The following APC variants were observed in gnomAD, a reference collection of about 807,000 sequenced individuals.
APC encodes adenomatous polyposis coli protein.
Under a neutral mutation model 247.0 loss-of-function variants are expected in APC, and 72 were observed. The ratio of observed to expected loss-of-function variants is 0.29; its 90% CI spans 0.24 to 0.35. APC has a LOEUF of 0.35. APC is among the 10% of genes least tolerant of loss of function. The pLI is 1.00. For missense variants in APC, 3,400 were observed against 3,360.7 expected, an observed-to-expected ratio of 1.01 and a Z score of -0.29; for synonymous variants, 1,254 against 1,162.5, an observed-to-expected ratio of 1.08 and a Z score of -1.60.
In APC at chr5:112,843,063, A is replaced by G. The variant is rs771003881; in HGVS notation, c.7469A>G (p.Asp2490Gly). Residue 2490 changes from aspartate to glycine, a missense_variant, in exon 16 of 16, where the codon GAT becomes GGT. Asp to Gly is a moderately conservative substitution (Grantham distance 94). Transcript: ENST00000257430. The surrounding 1 kb of genome is among the most constrained non-coding windows in gnomAD (Gnocchi z 4.8). ...CCAGTTTTAAGTCCTTCCCTTCCTG[A>G]TATGTCTCTATCCACACATTCGTCT... is the stretch of plus-strand genomic sequence containing the variant. ...QTPVLSPSLP[D>G]MSLSTHSSVQ... The G allele has an allele frequency of 6.2e-7, 1 of 1,613,938 alleles. No individual in the cohort carries two copies. Among genetic ancestry groups the G allele is most frequent in the Non-Finnish European group, 8.5e-7 (1 of 1,179,858 alleles).
chr5:112,775,578 G>T (rs1757533759), intron 4 of APC, 51 bp from the exon 5 acceptor site: 1 of 1,121,948 alleles, frequency 8.9e-7, no homozygotes, highest in Non-Finnish European at 1.3e-6. Context: ...CTCTTCTGCA[G>T]TCTTTATTAG....
At chr5:112,827,050 G>A (rs1763736004) in intron 11 of APC, 58 bp from the exon 12 acceptor site, 2 of 1,570,554 alleles carry the variant, frequency 1.3e-6, no homozygotes, top group South Asian at 1.1e-5. Flanking sequence ...TACCAACTTG[G>A]TACCAGTTTG....
Position 112,754,867 on chromosome 5 carries a change from T to C in APC, c.-18-6T>C. On this transcript the variant is annotated splice_region_variant and splice_polypyrimidine_tract_variant and intron_variant, in intron 1 of 15. Transcript: ENST00000257430. ...GTGAATTTCAAAATCCTTTTTAACCTTATAGGTCCAAGGGTAGCCAAGGAT... is the reference window on the plus strand; with the variant it reads ...GTGAATTTCAAAATCCTTTTTAACCCTATAGGTCCAAGGGTAGCCAAGGAT... The C allele has an allele frequency of 6.2e-7, 1 of 1,613,196 alleles. No homozygotes were observed. The highest frequency in any genetic ancestry group is 8.5e-7 in the Non-Finnish European group (1 of 1,179,398).
chr5:112,814,431 C>G (rs899020659), intron 8 of APC, among the ~76,000 whole-genome samples: 1 of 152,162 alleles, frequency 6.6e-6, no homozygotes, highest in Non-Finnish European at 1.5e-5. Flanking sequence ...ATTACTTACC[C>G]ATTTATCCAA....
rs1449924219 is a variant in APC at position 112,841,524 on chromosome 5, A to G, written c.5930A>G (p.Gln1977Arg). The G allele has an allele frequency of 6.2e-7, 1 of 1,613,986 alleles. No homozygotes were observed. Among genetic ancestry groups the G allele is most frequent in the South Asian group, 1.1e-5 (1 of 91,076 alleles). The change falls in exon 16 of 16, where the codon CAA (glutamine) becomes CGA (arginine). Residue 1977 changes from glutamine to arginine, a missense_variant. Physicochemically the swap from Gln to Arg is conservative, Grantham distance 43 (BLOSUM62 1). Transcript: ENST00000257430. This position sits in a 1 kb window ranked among gnomAD's most constrained non-coding sequence, Gnocchi z 4.6. Reference protein sequence around the residue: ...SSLSSLSDIDQENNNKENEPI... With the variant: ...SSLSSLSDIDRENNNKENEPI... The stretch of plus-strand genomic sequence containing the variant: ...CTGAGTTCTCTCAGTGACATTGACC[A>G]AGAAAACAACAATAAAGAAAATGAA...
At chr5:112,828,804 G>A (rs1763998406) in intron 13 of APC, 52 bp from the exon 14 acceptor site, 7 of 1,325,314 alleles carry the variant, frequency 5.3e-6, no homozygotes, top group Non-Finnish European at 7.6e-6. Context: ...AAACAAAAAA[G>A]CAACTAGTAT....
At position 112,788,684 on chromosome 5, in the gene APC, T is replaced by C. The variant is rs79433398; in HGVS notation, c.646-3762T>C. Among the ~76,000 whole-genome samples the C allele has an allele frequency of 6.6e-6, 1 of 152,222 alleles. No homozygotes were observed. The highest frequency in any genetic ancestry group is 2.4e-5 in the African/African-American group (1 of 41,462). On this transcript the variant is annotated intron_variant, in intron 6 of 15. Coordinates refer to ENST00000257430, the MANE Select transcript of APC (RefSeq NM_000038.6). ...TTTGTCAAATTCTTCACAGGGGTCT[T>C]ACATATCATTTAAAAAAGTTATTCC... is the stretch of plus-strand genomic sequence containing the variant.
rs750259615 is a variant in APC at position 112,838,357 on chromosome 5, A to G, written c.2763A>G (p.Ala921=). Residue 921 remains alanine, a synonymous_variant, in exon 16 of 16, where the codon GCA becomes GCG. Transcript: ENST00000257430. Reference sequence around the variant, plus strand: ...ATTGTGTGACAGATGAGAGAAATGCACTTAGAAGAAGCTCTGCTGCCCATA... The same window carrying G: ...ATTGTGTGACAGATGAGAGAAATGCGCTTAGAAGAAGCTCTGCTGCCCATA... ...ELHCVTDERN[A]LRRSSAAHTH... is the part of the protein sequence containing the mutation. The G allele has an allele frequency of 5.6e-6, 9 of 1,614,192 alleles. No individual in the cohort carries two copies. The highest frequency in any genetic ancestry group is 4.5e-5 in the East Asian group (2 of 44,884).
At chr5:112,725,798 A>G (rs1751742206) in intron 1 of APC, among the ~76,000 whole-genome samples, 1 of 152,180 alleles carries the variant, frequency 6.6e-6, no homozygotes, top group Non-Finnish European at 1.5e-5. Flanking sequence ...AAATTCCTTT[A>G]CTATGGAATT....
intron 4 of APC, among the ~76,000 whole-genome samples, chr5:112,772,747 C>T (rs1222762734): frequency 6.6e-6 from 1 of 152,100 alleles, no homozygotes; most frequent in Non-Finnish European, 1.5e-5. Flanking sequence ...GAACTCCTGA[C>T]TTCAAGTGAT....
At chr5:112,772,603 G>A (rs1020411348) in intron 4 of APC, among the ~76,000 whole-genome samples, 15 of 148,464 alleles carry the variant, frequency 1.0e-4, no homozygotes, top group Admixed American at 9.6e-4. Context: ...TGCAACCTCC[G>A]CCTCCCTGAT....
At chr5:112,801,808 A>G (rs1255738935) in intron 8 of APC, among the ~76,000 whole-genome samples, 1 of 152,122 alleles carries the variant, frequency 6.6e-6, no homozygotes, top group African/African-American at 2.4e-5. Flanking sequence ...CTTAAAGATT[A>G]TATAAATCTA....
chr5:112,716,839 C>T (rs901437174), intron 1 of APC, among the ~76,000 whole-genome samples: 4 of 152,120 alleles, frequency 2.6e-5, no homozygotes, highest in South Asian at 2.1e-4. Context: ...AATATAACAA[C>T]GCTAGCTTTC....
chr5:112,815,629 A>G (rs374039966), intron 9 of APC, 36 bp downstream of exon 9: 3 of 1,531,172 alleles, frequency 2.0e-6, no homozygotes, highest in African/African-American at 2.7e-5. Flanking sequence ...CACTAATGCC[A>G]TGACTACTTT....
rs2150000604 is a variant in APC, at chr5:112,843,780, A to T, written c.8186A>T (p.Asp2729Val). The part of the protein sequence containing the change: ...ENRLNSFIQV[D>V]APDQKGTEIK... ...CGCCTGAACTCCTTTATTCAGGTGG[A>T]TGCCCCTGACCAAAAAGGAACTGAG... The change falls in exon 16 of 16, where the codon GAT becomes GTT. Residue 2729 changes from aspartate (D) to valine (V), a missense_variant. Physicochemically the swap from Asp to Val is radical, Grantham distance 152. Around this residue, in one of 9 missense-constraint regions of APC, gnomAD observed 1,788 missense variants for 1,649.5 expected, o/e 1.08. Transcript: ENST00000257430. The surrounding 1 kb of genome is among the most constrained non-coding windows in gnomAD (Gnocchi z 4.8). 6.2e-7 allele frequency: 1 copy of T among 1,613,982 alleles called. No individual in the cohort carries two copies. The highest frequency in any genetic ancestry group is 8.5e-7 in the Non-Finnish European group (1 of 1,179,854).
intron 2 of APC, among the ~76,000 whole-genome samples, chr5:112,757,288 G>A (rs1159579261): frequency 2.6e-5 from 4 of 152,142 alleles, no homozygotes; most frequent in Non-Finnish European, 5.9e-5. Flanking sequence ...ATTGTTTTGT[G>A]TAGACACTTT....
intron 1 of APC, among the ~76,000 whole-genome samples, chr5:112,753,372 A>G (rs1754591440): frequency 6.6e-6 from 1 of 152,096 alleles, no homozygotes; most frequent in Admixed American, 6.5e-5. Flanking sequence ...TTACATGTAT[A>G]TTTTCATAAT....
chr5:112,767,247 C>T lies in APC; in HGVS notation c.279C>T (p.Leu93=), dbSNP rs768492450. The change falls in exon 4 of 16, where the codon CTC becomes CTT. Residue 93 remains leucine, a synonymous_variant. Transcript: ENST00000257430. ...TAAAACTGCGGTCAAAAATGTCCCTCCGTTCTTATGGAAGCCGGGAAGGAT... is the reference window on the plus strand; with the variant it reads ...TAAAACTGCGGTCAAAAATGTCCCTTCGTTCTTATGGAAGCCGGGAAGGAT... ...PGVKLRSKMS[L]RSYGSREGSV... is the part of the protein sequence containing the mutation. 6.2e-7 allele frequency: 1 copy of T among 1,614,038 alleles called. No individual in the cohort carries two copies. Among genetic ancestry groups the T allele is most frequent in the African/African-American group, 1.3e-5 (1 of 74,924 alleles).
chr5:112,790,868 G>GA (rs1194063621), intron 6 of APC, among the ~76,000 whole-genome samples: 1 of 152,124 alleles, frequency 6.6e-6, no homozygotes, highest in Non-Finnish European at 1.5e-5. Context: ...GAACATAACT[G>GA]AAAAATGTTT....
Sources: allele counts gnomAD v4.1 joint callset (sites outside exome capture counted in the v4.1 genomes callset), GRCh38; gene constraint gnomAD v4.1.1; regional missense constraint gnomAD v4.1.1; non-coding constraint Gnocchi (gnomAD v3.1); transcripts MANE v1.5; gene names NCBI Gene and HGNC (gene_info 2026-07-23, HGNC 2026-07-21).